Variants in ZNF131 observed in about 807,000 individuals in gnomAD.
ZNF131 encodes the protein zinc finger protein 131.
Under a neutral mutation model 60.0 loss-of-function variants are expected in ZNF131, and 7 were observed. The observed-to-expected ratio is 0.12, with a 90% CI of 0.07 to 0.22. The LOEUF (loss-of-function observed/expected upper bound fraction) is 0.22, where lower values mean the gene tolerates loss of function less well. Ranked by LOEUF, ZNF131 falls within the 10% of genes least tolerant of loss-of-function variation. ZNF131 has a pLI of 1.00. For missense variants in ZNF131, 493 were observed against 740.9 expected (o/e 0.67, Z 3.88); for synonymous variants, 257 against 253.2 (o/e 1.01, Z -0.14).
chr5:43,146,565 A>G (rs1277215824), intron 4 of ZNF131, among the ~76,000 whole-genome samples: 1 of 152,124 alleles, frequency 6.6e-6, no homozygotes, highest in Non-Finnish European at 1.5e-5. Flanking sequence ...ACTGCACTCC[A>G]GCCTGGGCGA....
chr5:43,132,505 C>CTT (rs4050538), intron 3 of ZNF131, among the ~76,000 whole-genome samples: 1,419 of 93,418 alleles, frequency 0.015, 49 homozygotes, highest in African/African-American at 0.05. Context: ...GAATGGTATT[C>CTT]TTTTTTTTTT....
At chr5:43,121,946 T>G in intron 1 of ZNF131, 93 bp from the exon 2 acceptor site, 9 of 1,326,092 alleles carry the variant, frequency 6.8e-6, no homozygotes, top group Non-Finnish European at 9.1e-6. Context: ...TCTTTTCACG[T>G]TGCTGGTTTT....
intron 3 of ZNF131, among the ~76,000 whole-genome samples, chr5:43,134,837 C>G (rs1350228521): frequency 1.4e-5 from 2 of 147,172 alleles, no homozygotes; most frequent in African/African-American, 5.0e-5. Flanking sequence ...AGTAGCTGTA[C>G]AGGCTCCCCC....
chr5:43,172,259 C>T (rs1253667505), intron 5 of ZNF131, among the ~76,000 whole-genome samples: 1 of 152,178 alleles, frequency 6.6e-6, no homozygotes, highest in African/African-American at 2.4e-5. Flanking sequence ...TGGGTTCTGC[C>T]CTTGATTTTT....
chr5:43,138,885 G>A (rs962549649), intron 3 of ZNF131, among the ~76,000 whole-genome samples: 1 of 152,122 alleles, frequency 6.6e-6, no homozygotes, highest in East Asian at 1.9e-4. Context: ...AAGAAATGTA[G>A]CATGTCTGAC....
At chr5:43,165,362 C>T (rs960777409) in intron 5 of ZNF131, among the ~76,000 whole-genome samples, 1 of 152,122 alleles carries the variant, frequency 6.6e-6, no homozygotes, top group African/African-American at 2.4e-5. Flanking sequence ...CCTCTTTGTG[C>T]ATGCATCTCT....
chr5:43,149,385 C>T (rs1370335373), intron 4 of ZNF131, among the ~76,000 whole-genome samples: 1 of 152,172 alleles, frequency 6.6e-6, no homozygotes, highest in Non-Finnish European at 1.5e-5. Context: ...TAGTTCATTC[C>T]TTTTTCCTGC....
chr5:43,143,979 G>C (rs1275571792), intron 4 of ZNF131, among the ~76,000 whole-genome samples: 2 of 125,340 alleles, frequency 1.6e-5, no homozygotes. Context: ...CTGGAATGCA[G>C]TGGTGCGATC....
intron 1 of ZNF131, chr5:43,121,802 T>C: frequency 3.1e-6 from 1 of 325,424 alleles, no homozygotes; most frequent in Non-Finnish European, 5.6e-6. Flanking sequence ...CACCCCGCTC[T>C]AGCTCGCGTC....
At chr5:43,172,725 C>A (rs937007982) in intron 5 of ZNF131, among the ~76,000 whole-genome samples, 1 of 152,074 alleles carries the variant, frequency 6.6e-6, no homozygotes, top group East Asian at 1.9e-4. Context: ...TACCTCCGTG[C>A]CTCTTTCTTT....
chr5:43,152,093 C>G (rs1193563188), intron 4 of ZNF131, among the ~76,000 whole-genome samples: 1 of 152,034 alleles, frequency 6.6e-6, no homozygotes. Context: ...GCCTCTACCT[C>G]CCAGGTTCAA....
At chr5:43,142,578 A>G (rs1168192895) in intron 4 of ZNF131, among the ~76,000 whole-genome samples, 1 of 152,066 alleles carries the variant, frequency 6.6e-6, no homozygotes, top group Middle Eastern at 3.4e-3. Context: ...TGCTGGGATT[A>G]TAGGCGTGAG....
intron 6 of ZNF131, among the ~76,000 whole-genome samples, 179 bp downstream of exon 6, chr5:43,173,627 A>T (rs1193439035): frequency 6.6e-6 from 1 of 152,152 alleles, no homozygotes; most frequent in African/African-American, 2.4e-5. Context: ...CCAACCCTAG[A>T]TGACACCAAT....
At chr5:43,151,808 TA>T in intron 4 of ZNF131, among the ~76,000 whole-genome samples, 1 of 152,110 alleles carries the variant, frequency 6.6e-6, no homozygotes, top group East Asian at 1.9e-4. Context: ...CAGGGGCACA[TA>T]GGAACCCTGA....
chr5:43,123,419 C>A, intron 3 of ZNF131, 109 bp downstream of exon 3: 1 of 926,932 alleles, frequency 1.1e-6, no homozygotes, highest in Non-Finnish European at 1.6e-6. Context: ...CAGTTTTAGA[C>A]AGTTTATCAA....
chr5:43,134,699 T>C (rs987643910), intron 3 of ZNF131, among the ~76,000 whole-genome samples: 20 of 140,636 alleles, frequency 1.4e-4, no homozygotes, highest in Middle Eastern at 3.8e-3. Flanking sequence ...TTTTCTTTTT[T>C]TTTTTTTTTT....
At chr5:43,141,098 T>C (rs1301382562) in intron 4 of ZNF131, among the ~76,000 whole-genome samples, 2 of 152,150 alleles carry the variant, frequency 1.3e-5, no homozygotes, top group African/African-American at 2.4e-5. Flanking sequence ...AAATATCATC[T>C]CTTAGTTTGA....
intron 5 of ZNF131, among the ~76,000 whole-genome samples, chr5:43,165,286 T>C (rs1750210299): frequency 6.6e-6 from 1 of 151,494 alleles, no homozygotes; most frequent in South Asian, 2.1e-4. Context: ...ATCAATCTGC[T>C]GGTTTCTTTT....
intron 6 of ZNF131, 132 bp from the exon 7 acceptor site, chr5:43,174,315 C>A: frequency 2.4e-6 from 2 of 821,574 alleles, no homozygotes; most frequent in South Asian, 5.1e-5. Context: ...GGACGAGATT[C>A]TATTGCAGGT....
Sources: gnomAD v4.1 joint callset for allele counts (sites outside exome capture counted in the v4.1 genomes callset) on GRCh38, gnomAD v4.1.1 for gene constraint, MANE v1.5 for transcripts, NCBI Gene and HGNC (gene_info 2026-07-23, HGNC 2026-07-21) for gene names.